Variants in SLC44A5 observed in about 807,000 individuals in gnomAD.
SLC44A5 encodes the protein solute carrier family 44 member 5.
Under a neutral mutation model 101.8 loss-of-function variants are expected in SLC44A5, and 57 were observed. The observed-to-expected ratio is 0.56, with a 90% CI of 0.45 to 0.70. The LOEUF (loss-of-function observed/expected upper bound fraction) is 0.70, where lower values mean the gene tolerates loss of function less well. SLC44A5 is among the 30% of genes least tolerant of loss of function. SLC44A5 has a pLI of 0.00. For synonymous variants in SLC44A5, 281 were observed against 290.9 expected, an observed-to-expected ratio of 0.97 and a Z score of 0.35; for missense variants, 737 against 853.1, an observed-to-expected ratio of 0.86 and a Z score of 1.70.
intron 2 of SLC44A5, among the ~76,000 whole-genome samples, chr1:75,491,296 G>A (rs977752095): frequency 2.0e-5 from 3 of 152,152 alleles, no homozygotes; most frequent in Admixed American, 1.3e-4. Context: ...GCTTGAGGTC[G>A]AAGTTGATAT....
chr1:75,522,360 A>ATT (rs777721337), intron 2 of SLC44A5: 17,354 of 141,990 alleles, frequency 0.12, 1,096 homozygotes, highest in African/African-American at 0.14. Flanking sequence ...TTTTTTTTAA[A>ATT]AAAAAAAAAA....
chr1:75,509,182 T>C lies in SLC44A5; in HGVS notation c.13+32253A>G, dbSNP rs556307924. 5.8e-4 allele frequency among the ~76,000 whole-genome samples: 88 copies of C among 152,348 alleles called. 1 individual carries two copies. The highest frequency in any genetic ancestry group is 2.0e-3 in the African/African-American group (82 of 41,582). ...AAAAACTACTATGAAGGAATATCTATAAATATCTTTGCTAACAGAAAACTC... is the reference window on the plus strand; with the variant it reads ...AAAAACTACTATGAAGGAATATCTACAAATATCTTTGCTAACAGAAAACTC... On this transcript the variant is annotated intron_variant, in intron 2 of 23. Transcript: ENST00000370859.
chr1:75,584,000 GGTCTCAAATTC>G (rs1209950981), intron 1 of SLC44A5, among the ~76,000 whole-genome samples: 1 of 152,174 alleles, frequency 6.6e-6, no homozygotes, highest in African/African-American at 2.4e-5. Context: ...CAAGCTTTGA[GGTCTCAAATTC>G]TAAGACAAGA....
chr1:75,514,608 T>A (rs886869887), intron 2 of SLC44A5, among the ~76,000 whole-genome samples: 1 of 152,258 alleles, frequency 6.6e-6, no homozygotes, highest in Non-Finnish European at 1.5e-5. Context: ...AAGTAATTAG[T>A]GTCTTTAAAC....
intron 6 of SLC44A5, among the ~76,000 whole-genome samples, chr1:75,253,437 G>C (rs1403105371): frequency 6.6e-6 from 1 of 152,106 alleles, no homozygotes; most frequent in Non-Finnish European, 1.5e-5. Flanking sequence ...GCAATGATAT[G>C]AGAAAAATAA....
chr1:75,620,674 GTTGT>G, the SLC44A5 span, among the ~76,000 whole-genome samples: 5 of 152,182 alleles, frequency 3.3e-5, no homozygotes, highest in Non-Finnish European at 4.4e-5. Context: ...TTTTGATAGG[GTTGT>G]TTGTTTTTTT....
intron 2 of SLC44A5, among the ~76,000 whole-genome samples, chr1:75,500,099 A>C (rs1668875955): frequency 6.6e-6 from 1 of 152,172 alleles, no homozygotes; most frequent in African/African-American, 2.4e-5. Context: ...CCTAAACCTG[A>C]TTTCTACCAT....
intron 4 of SLC44A5, among the ~76,000 whole-genome samples, chr1:75,335,085 C>T (rs1157626747): frequency 6.6e-6 from 1 of 152,202 alleles, no homozygotes; most frequent in African/African-American, 2.4e-5. Context: ...GCCTAAGAAT[C>T]AGCTCCAAAT....
intron 4 of SLC44A5, among the ~76,000 whole-genome samples, chr1:75,322,144 C>T (rs1258374654): frequency 1.3e-5 from 2 of 152,028 alleles, no homozygotes; most frequent in Non-Finnish European, 2.9e-5. Flanking sequence ...AACTCCATCT[C>T]TACAAAAAAA....
chr1:75,645,696 C>T, the SLC44A5 span, among the ~76,000 whole-genome samples: 1 of 141,272 alleles, frequency 7.1e-6, no homozygotes, highest in Admixed American at 7.0e-5. Flanking sequence ...ACATGAAGTC[C>T]TTGCCCATGC....
intron 4 of SLC44A5, among the ~76,000 whole-genome samples, chr1:75,332,639 G>C (rs557794196): frequency 6.6e-6 from 1 of 152,238 alleles, no homozygotes; most frequent in Admixed American, 6.5e-5. Flanking sequence ...ATCATGAAAA[G>C]ATTCAAGGAA....
intron 1 of SLC44A5, among the ~76,000 whole-genome samples, chr1:75,597,022 T>G (rs1462765163): frequency 6.6e-6 from 1 of 151,688 alleles, no homozygotes; most frequent in Non-Finnish European, 1.5e-5. Context: ...CCTATCTCTA[T>G]GAAAAACATA....
At chr1:75,223,388 A>G (rs1180969113) in intron 13 of SLC44A5, among the ~76,000 whole-genome samples, 2 of 152,194 alleles carry the variant, frequency 1.3e-5, no homozygotes, top group East Asian at 1.9e-4. Context: ...ATCAATTATT[A>G]TATTTCCTCA....
intron 1 of SLC44A5, among the ~76,000 whole-genome samples, chr1:75,579,772 T>C (rs769824464): frequency 1.3e-4 from 20 of 151,252 alleles, no homozygotes; most frequent in Non-Finnish European, 2.4e-4. Flanking sequence ...AATGATTCTA[T>C]AGATTTTCCT....
chr1:75,447,557 G>T (rs1164512533), intron 2 of SLC44A5, among the ~76,000 whole-genome samples: 1 of 152,046 alleles, frequency 6.6e-6, no homozygotes, highest in Non-Finnish European at 1.5e-5. Flanking sequence ...AGGAAAGAGG[G>T]TTTATTCTGA....
chr1:75,548,612 T>C (rs1446943634), intron 1 of SLC44A5, among the ~76,000 whole-genome samples: 1 of 152,058 alleles, frequency 6.6e-6, no homozygotes, highest in Non-Finnish European at 1.5e-5. Flanking sequence ...ACTCAAAGAA[T>C]ACACATAACA....
chr1:75,215,881 C>T (rs1179196520), intron 18 of SLC44A5, 24 bp from the exon 19 acceptor site: 1 of 1,249,674 alleles, frequency 8.0e-7, no homozygotes, highest in Non-Finnish European at 1.2e-6. Context: ...ATATTTAAAT[C>T]TATTAATGAT....
the SLC44A5 span, among the ~76,000 whole-genome samples, chr1:75,722,841 C>T: frequency 3.3e-5 from 5 of 152,326 alleles, no homozygotes; most frequent in Admixed American, 3.3e-4. Flanking sequence ...AAGTAGTAAC[C>T]GTGGCAGTTG....
chr1:75,311,411 C>T (rs986599432), intron 4 of SLC44A5, among the ~76,000 whole-genome samples: 3 of 152,204 alleles, frequency 2.0e-5, no homozygotes, highest in Admixed American at 1.3e-4. Context: ...GCCACCGCAT[C>T]CAGCCCTCAA....
Sources: allele counts gnomAD v4.1 joint callset (sites outside exome capture counted in the v4.1 genomes callset), GRCh38; gene constraint gnomAD v4.1.1; transcripts MANE v1.5; gene names NCBI Gene and HGNC (gene_info 2026-07-23, HGNC 2026-07-21).